Variants in ARHGEF11 observed in about 807,000 individuals in gnomAD.
ARHGEF11 encodes Rho guanine nucleotide exchange factor 11.
ARHGEF11 carries 55 observed loss-of-function variants against 193.7 expected under a neutral mutation model. The observed-to-expected ratio is 0.28, with a 90% CI of 0.23 to 0.36. The LOEUF (loss-of-function observed/expected upper bound fraction) is 0.36, where lower values mean the gene tolerates loss of function less well. Among genes scored for constraint, ARHGEF11 ranks in the 10% least tolerant of loss-of-function variants. The pLI is 1.00. For synonymous variants in ARHGEF11, 693 were observed against 768.0 expected (o/e 0.90, Z 1.62); for missense variants, 1,723 against 2,005.6 (o/e 0.86, Z 2.69).
chr1:156,947,856 C>A lies in ARHGEF11; in HGVS notation c.2254G>T (p.Asp752Tyr), dbSNP rs753803764. Reference sequence around the variant, plus strand: ...ACTGTATGCTGCCAATTTTGGGCATCTGGCTCTGGCTCCAGGTCAGACAGC... The same window carrying A: ...ACTGTATGCTGCCAATTTTGGGCATATGGCTCTGGCTCCAGGTCAGACAGC... ...GQLSDLEPEP[D>Y]AQNWQHTVGK... The change falls in exon 25 of 41, where the codon GAT becomes TAT. Residue 752 changes from aspartate to tyrosine, a missense_variant. Coordinates refer to ENST00000368194, the MANE Select transcript of ARHGEF11 (RefSeq NM_198236.3). 1.9e-6 allele frequency: 3 copies of A among 1,614,168 alleles called. No individual in the cohort carries two copies. The highest frequency in any genetic ancestry group is 4.5e-5 in the East Asian group (2 of 44,892).
chr1:156,962,069 C>T (rs1218986249), intron 13 of ARHGEF11, among the ~76,000 whole-genome samples: 1 of 152,212 alleles, frequency 6.6e-6, no homozygotes, highest in East Asian at 1.9e-4. Flanking sequence ...CCCACGGGCA[C>T]ATCTTCAACA....
At chr1:156,970,095 A>G (rs757900037) in intron 8 of ARHGEF11, 52 bp from the exon 9 acceptor site, 7 of 1,548,882 alleles carry the variant, frequency 4.5e-6, no homozygotes, top group South Asian at 1.1e-5. Context: ...CTCTCCCCCT[A>G]CGGTTTTCTT....
chr1:157,021,468 C>G (rs1387538804), intron 1 of ARHGEF11, among the ~76,000 whole-genome samples: 1 of 152,066 alleles, frequency 6.6e-6, no homozygotes, highest in Non-Finnish European at 1.5e-5. Flanking sequence ...TCAAATGGAT[C>G]CAATATTAAG....
intron 21 of ARHGEF11, among the ~76,000 whole-genome samples, chr1:156,952,579 C>T (rs903116817): frequency 2.0e-5 from 3 of 152,168 alleles, no homozygotes; most frequent in Non-Finnish European, 4.4e-5. Flanking sequence ...GGGTCTGGGC[C>T]CTGATCCTAC....
At chr1:156,954,793 G>A in intron 21 of ARHGEF11, 99 bp downstream of exon 21, 1 of 1,004,542 alleles carries the variant, frequency 1.0e-6, no homozygotes, top group Non-Finnish European at 1.6e-6. Flanking sequence ...AGGAGGAACA[G>A]GATGGGAGAT....
intron 1 of ARHGEF11, among the ~76,000 whole-genome samples, chr1:157,024,350 T>C (rs1024626810): frequency 6.6e-5 from 10 of 152,164 alleles, no homozygotes; most frequent in African/African-American, 1.7e-4. Flanking sequence ...TCTGGAATTA[T>C]AGACAGTGAT....
chr1:157,028,159 GC>G (rs1490288229), intron 1 of ARHGEF11, among the ~76,000 whole-genome samples: 2 of 152,346 alleles, frequency 1.3e-5, no homozygotes, highest in African/African-American at 4.8e-5. Context: ...CTGTTTGGGA[GC>G]AATGGATAAA....
intron 1 of ARHGEF11, among the ~76,000 whole-genome samples, chr1:157,037,256 G>A (rs115310451): frequency 0.013 from 1,943 of 152,168 alleles, 38 homozygotes; most frequent in African/African-American, 0.044. Flanking sequence ...TCAGAAGCTC[G>A]TTATCTTTTC....
At chr1:156,982,943 T>G (rs374950707) in intron 3 of ARHGEF11, among the ~76,000 whole-genome samples, 1 of 152,244 alleles carries the variant, frequency 6.6e-6, no homozygotes, top group Non-Finnish European at 1.5e-5. Context: ...ATGATCCACA[T>G]ACTCATTTTG....
intron 1 of ARHGEF11, among the ~76,000 whole-genome samples, chr1:157,007,635 G>A (rs1667988108): frequency 6.6e-6 from 1 of 152,116 alleles, no homozygotes; most frequent in African/African-American, 2.4e-5. Context: ...GCTACCGTAC[G>A]ATTTTTGGTT....
rs140372298 is a variant in ARHGEF11 at position 157,019,006 on chromosome 1, G to C, written c.32+25293C>G. Among the ~76,000 whole-genome samples the C allele has an allele frequency of 1.6e-3, 245 of 152,302 alleles. 1 individual carries two copies. Among genetic ancestry groups the C allele is most frequent in the Middle Eastern group, 0.01 (3 of 294 alleles). Reference sequence around the variant, plus strand: ...CGAAGAATAAATCACAGATTTAAATGTAAGAGCTAAAACCATAAAATGTCT... The same window carrying C: ...CGAAGAATAAATCACAGATTTAAATCTAAGAGCTAAAACCATAAAATGTCT... On this transcript the variant is annotated intron_variant, in intron 1 of 40. Transcript: ENST00000368194.
chr1:157,023,412 G>C lies in ARHGEF11; in HGVS notation c.32+20887C>G, dbSNP rs139270221. On this transcript the variant is annotated intron_variant, in intron 1 of 40. Transcript: ENST00000368194. ...GATGCTCAACATCATTAGTCATTAAGGAAATGCAAATCAAAACCATGAGAT... is the reference window on the plus strand; with the variant it reads ...GATGCTCAACATCATTAGTCATTAACGAAATGCAAATCAAAACCATGAGAT... 6.6e-4 allele frequency among the ~76,000 whole-genome samples: 100 copies of C among 152,280 alleles called. No individual in the cohort carries two copies. In the East Asian group the frequency reaches 0.018, roughly 28 times the overall value.
At chr1:156,972,839 T>C (rs1662686303) in intron 7 of ARHGEF11, among the ~76,000 whole-genome samples, 1 of 150,348 alleles carries the variant, frequency 6.7e-6, no homozygotes, top group Admixed American at 6.6e-5. Flanking sequence ...AAGTTAACCC[T>C]CTGACTGCTT....
intron 1 of ARHGEF11, among the ~76,000 whole-genome samples, chr1:157,011,673 C>A (rs1668560148): frequency 6.6e-6 from 1 of 152,026 alleles, no homozygotes; most frequent in South Asian, 2.1e-4. Flanking sequence ...GGGCAAAGAT[C>A]TGAAAAGATA....
chr1:156,960,511 G>T, intron 14 of ARHGEF11, 51 bp from the exon 15 acceptor site: 1 of 1,583,162 alleles, frequency 6.3e-7, no homozygotes, highest in Non-Finnish European at 8.7e-7. Context: ...ACACTCCAGG[G>T]AGATGAGCAG....
chr1:156,996,944 C>G (rs1179151698), intron 1 of ARHGEF11, among the ~76,000 whole-genome samples: 2 of 146,048 alleles, frequency 1.4e-5, no homozygotes, highest in African/African-American at 2.5e-5. Context: ...TCACTGAAAC[C>G]TCCAGTTCCT....
intron 7 of ARHGEF11, among the ~76,000 whole-genome samples, chr1:156,976,756 C>T (rs1303571134): frequency 6.6e-6 from 1 of 152,170 alleles, no homozygotes; most frequent in Non-Finnish European, 1.5e-5. Context: ...ATTCACTATC[C>T]TAATCTATTA....
intron 1 of ARHGEF11, among the ~76,000 whole-genome samples, chr1:157,022,375 C>A (rs1031682515): frequency 6.6e-6 from 1 of 152,138 alleles, no homozygotes; most frequent in Non-Finnish European, 1.5e-5. Context: ...TATTTCTATA[C>A]ATTAGCAATA....
At chr1:156,998,563 A>T (rs1666841608) in intron 1 of ARHGEF11, among the ~76,000 whole-genome samples, 1 of 152,188 alleles carries the variant, frequency 6.6e-6, no homozygotes, top group African/African-American at 2.4e-5. Flanking sequence ...GAATTGGTGT[A>T]ATGTAAGTAC....
Sources: allele counts gnomAD v4.1 joint callset (sites outside exome capture counted in the v4.1 genomes callset), GRCh38; gene constraint gnomAD v4.1.1; transcripts MANE v1.5; gene names NCBI Gene and HGNC (gene_info 2026-07-23, HGNC 2026-07-21).